The following SYNE1 variants were observed in gnomAD, a reference collection of about 807,000 sequenced individuals.
SYNE1 encodes the protein spectrin repeat containing nuclear envelope protein 1, also known as nesprin-1.
Under a neutral mutation model 1,111.0 loss-of-function variants are expected in SYNE1, and 616 were observed. That is an observed-to-expected ratio of 0.55 (90% CI 0.52 to 0.59). SYNE1 has a LOEUF of 0.59. SYNE1 is among the 20% of genes least tolerant of loss of function. The pLI is 0.00. For synonymous variants in SYNE1, 3,855 were observed against 3,825.8 expected (o/e 1.01, Z -0.28); for missense variants, 10,006 against 10,417.0 (o/e 0.96, Z 1.72).
At chr6:152,443,358 G>A (rs2098549951) in intron 30 of SYNE1, among the ~76,000 whole-genome samples, 4 of 152,142 alleles carry the variant, frequency 2.6e-5, no homozygotes, top group African/African-American at 9.6e-5. Flanking sequence ...TCCGTCTCCC[G>A]GGTTCATGCC....
At chr6:152,312,019 C>A (rs1157025883) in intron 87 of SYNE1, among the ~76,000 whole-genome samples, 1 of 152,090 alleles carries the variant, frequency 6.6e-6, no homozygotes, top group Non-Finnish European at 1.5e-5. Context: ...CTCCTGACCT[C>A]GTGATCCGCA....
At chr6:152,282,491 G>A (rs2094095400) in intron 96 of SYNE1, among the ~76,000 whole-genome samples, 1 of 151,992 alleles carries the variant, frequency 6.6e-6, no homozygotes. Context: ...AGTAAAGGGA[G>A]AAATCCAAAT....
At chr6:152,132,291 C>A in intron 143 of SYNE1, 77 bp from the exon 144 acceptor site, 1 of 1,186,278 alleles carries the variant, frequency 8.4e-7, no homozygotes, top group South Asian at 1.2e-5. Flanking sequence ...ACGTTATCTC[C>A]CACTCCATCT....
intron 144 of SYNE1, among the ~76,000 whole-genome samples, chr6:152,131,903 A>T (rs1175001040): frequency 6.6e-6 from 1 of 152,216 alleles, no homozygotes; most frequent in East Asian, 1.9e-4. Flanking sequence ...TACCAGCCAC[A>T]CGTTGAGTCC....
At chr6:152,432,889 T>C (rs1420922318) in intron 34 of SYNE1, among the ~76,000 whole-genome samples, 2 of 152,110 alleles carry the variant, frequency 1.3e-5, no homozygotes, top group African/African-American at 4.8e-5. Context: ...TATATGAAAC[T>C]CCATGTATGC....
At chr6:152,556,271 T>C (rs1443619922) in intron 3 of SYNE1, among the ~76,000 whole-genome samples, 1 of 152,126 alleles carries the variant, frequency 6.6e-6, no homozygotes. Context: ...CAGTTTTATA[T>C]TACCCACCCA....
intron 44 of SYNE1, 41 bp from the exon 45 acceptor site, chr6:152,407,237 C>T (rs527635578): frequency 2.7e-5 from 43 of 1,597,572 alleles, no homozygotes; most frequent in African/African-American, 2.5e-4. Flanking sequence ...TAGTCAGAGG[C>T]GTAAGATGAT....
chr6:152,326,188 C>T, intron 79 of SYNE1, 86 bp from the exon 80 acceptor site: 2 of 1,612,602 alleles, frequency 1.2e-6, no homozygotes, highest in East Asian at 2.2e-5. Context: ...TCTAATGATA[C>T]TCAGGGAAAA....
At chr6:152,126,376 T>C (rs535009762) in intron 145 of SYNE1, 3 of 152,320 alleles carry the variant, frequency 2.0e-5, no homozygotes, top group Admixed American at 2.0e-4. Context: ...ATTTAGCTAC[T>C]GTGCTAAAAA....
rs73783859 is a variant in SYNE1 at position 152,355,187 on chromosome 6, T to C, written c.10609-211A>G. ...ACTTTTTCAATTAAAATAATCAACA[T>C]ACACACACACACACCCCAATATTTT... On this transcript the variant is annotated intron_variant, in intron 66 of 145. Coordinates refer to ENST00000367255, the MANE Select transcript of SYNE1 (RefSeq NM_182961.4). Among the ~76,000 whole-genome samples, 794 of 151,936 alleles carry C rather than the reference T, an allele frequency of 5.2e-3. 5 individuals are homozygous for C. The highest frequency in any genetic ancestry group is 0.016 in the African/African-American group (683 of 41,478).
At position 152,450,847 on chromosome 6, in the gene SYNE1, A is replaced by C. The variant is rs772019183; in HGVS notation, c.3187-14T>G. ...ACTGAAGAAAACCTAATGTGTAATA[A>C]ATGTTTTTATAATCCCTGTGAGAAG... On this transcript the variant is annotated splice_polypyrimidine_tract_variant and intron_variant, in intron 26 of 145. Transcript: ENST00000367255. 1 of 1,613,294 alleles carries C rather than the reference A, an allele frequency of 6.2e-7. No homozygotes were observed. Among genetic ancestry groups the C allele is most frequent in the Non-Finnish European group, 8.5e-7 (1 of 1,179,514 alleles).
chr6:152,310,729 T>A lies in SYNE1; in HGVS notation c.16855A>T (p.Met5619Leu). 6.2e-7 allele frequency: 1 copy of A among 1,614,076 alleles called. No homozygotes were observed. The change falls in exon 88 of 146, where the codon ATG (methionine) becomes TTG (leucine). Residue 5619 changes from methionine to leucine, a missense_variant. This residue lies in a region of SYNE1 where 4,955 missense variants were observed against 5,017.2 expected (regional missense o/e 0.99). Transcript: ENST00000367255. Reference protein sequence around the residue: ...LGRETEELRQMIKIRLQNLQD... With the variant: ...LGRETEELRQLIKIRLQNLQD... ...AGGTTCTGCAAACGAATTTTGATCA[T>A]CTGTCGCAACTCCTCAGTCTCCCGT... is the stretch of plus-strand genomic sequence containing the variant.
chr6:152,189,401 C>A lies in SYNE1; in HGVS notation c.23152G>T (p.Glu7718Ter). The A allele has an allele frequency of 6.2e-7, 1 of 1,614,048 alleles. No homozygotes were observed. The highest frequency in any genetic ancestry group is 1.1e-5 in the South Asian group (1 of 91,078). Reference protein sequence around the residue: ...HAEQMRCKELENAVGSWTDDL... With the variant: ...HAEQMRCKEL ...TCTGTCCAGCTCCCAACTGCATTTT[C>A]TAATTCCTAAATAAAAAAACAAACT... Residue 7718 changes from glutamate to a stop codon, truncating the protein, a stop_gained, in exon 128 of 146, where the codon GAA becomes TAA. Transcript: ENST00000367255. LOFTEE classifies it high-confidence loss of function.
In SYNE1 at chr6:152,277,188, C is replaced by T. The variant is rs534468245; in HGVS notation, c.18573+901G>A. ...TACAGGTGTGAGCCACCGCACCTGG[C>T]CTGTGTACTTTTTATCCTATCCGTT... On this transcript the variant is annotated intron_variant, in intron 98 of 145. Transcript: ENST00000367255. Among the ~76,000 whole-genome samples, 4 of 151,010 alleles carry T rather than the reference C, an allele frequency of 2.6e-5. No homozygotes were observed. The South Asian group carries it at 8.4e-4, about 32-fold the overall frequency.
intron 8 of SYNE1, among the ~76,000 whole-genome samples, chr6:152,508,679 T>C (rs2099070315): frequency 1.3e-5 from 2 of 152,130 alleles, no homozygotes. Context: ...CCCAGTTAAG[T>C]TGTAAGAGAG....
intron 53 of SYNE1, among the ~76,000 whole-genome samples, chr6:152,388,972 T>G (rs1363670589): frequency 6.6e-6 from 1 of 152,154 alleles, no homozygotes; most frequent in African/African-American, 2.4e-5. Context: ...TAGCATCTGA[T>G]TTTTTTTCTT....
intron 64 of SYNE1, among the ~76,000 whole-genome samples, chr6:152,360,795 T>C (rs545021301): frequency 6.6e-6 from 1 of 152,348 alleles, no homozygotes; most frequent in African/African-American, 2.4e-5. Flanking sequence ...TATTATTTTA[T>C]GGATGCATAA....
At chr6:152,557,770 C>T (rs1027860438) in intron 3 of SYNE1, among the ~76,000 whole-genome samples, 1 of 152,212 alleles carries the variant, frequency 6.6e-6, no homozygotes, top group Admixed American at 6.5e-5. Context: ...TAAACAAAAA[C>T]TGTGGATGTT....
chr6:152,451,015 C>T (rs779418549), intron 26 of SYNE1, 32 bp downstream of exon 26: 24 of 1,613,612 alleles, frequency 1.5e-5, no homozygotes, highest in Admixed American at 6.7e-5. Context: ...TGACTTGACA[C>T]GGCTATCCAC....
Sources: gnomAD v4.1 joint callset for allele counts (sites outside exome capture counted in the v4.1 genomes callset) on GRCh38, gnomAD v4.1.1 for gene constraint, gnomAD v4.1.1 regional missense constraint, MANE v1.5 for transcripts, NCBI Gene and HGNC (gene_info 2026-07-23, HGNC 2026-07-21) for gene names.